PLEK2: variants seen among roughly 807,000 people sequenced by gnomAD.
PLEK2 encodes pleckstrin-2.
A neutral mutation model predicts 43.8 loss-of-function variants in PLEK2; 29 were observed. The observed-to-expected ratio is 0.66, with a 90% CI of 0.49 to 0.90. PLEK2 has a LOEUF of 0.90. PLEK2 is among the 40% of genes least tolerant of loss of function. The pLI is 0.00. For synonymous variants in PLEK2, 162 were observed against 173.2 expected (o/e 0.94, Z 0.51); for missense variants, 398 against 448.1 (o/e 0.89, Z 1.01).
chr14:67,411,368 C>T (rs750775310), intron 1 of PLEK2, among the ~76,000 whole-genome samples: 4 of 152,184 alleles, frequency 2.6e-5, no homozygotes, highest in Admixed American at 6.5e-5. Context: ...GGGCAAGCTA[C>T]TTCATCTTTC....
At chr14:67,411,518 C>G (rs565544335) in intron 1 of PLEK2, among the ~76,000 whole-genome samples, 3 of 152,228 alleles carry the variant, frequency 2.0e-5, no homozygotes, top group South Asian at 4.2e-4. Context: ...TTCACCGCCC[C>G]GAGCAAGTTC....
intron 1 of PLEK2, among the ~76,000 whole-genome samples, chr14:67,399,811 G>T (rs1326624149): frequency 6.6e-6 from 1 of 152,240 alleles, no homozygotes; most frequent in African/African-American, 2.4e-5. Context: ...ATAGTCAGGT[G>T]AACATGGAGA....
intron 1 of PLEK2, among the ~76,000 whole-genome samples, chr14:67,409,803 T>C (rs1176230842): frequency 1.3e-5 from 2 of 152,314 alleles, no homozygotes; most frequent in South Asian, 2.1e-4. Context: ...CCTAAGACTA[T>C]GGAATCCCCC....
chr14:67,387,089 G>A lies in PLEK2; in HGVS notation c.*240C>T, dbSNP rs1405068685. On this transcript the variant is annotated 3_prime_UTR_variant, in exon 9 of 9. Coordinates refer to ENST00000216446, the MANE Select transcript of PLEK2 (RefSeq NM_016445.3). ...AGGAAATGGCTGTTTGTGATGCTGG[G>A]GAAAAGTCAAGATGCTGACGCCTAA... The A allele has an allele frequency of 8.8e-6, 3 of 339,756 alleles. No homozygotes were observed. Among genetic ancestry groups the A allele is most frequent in the African/African-American group, 2.2e-5 (1 of 45,760 alleles). The allele number at this position is 339,756 out of a possible 1,614,324, so 21.0% of individuals were successfully genotyped here.
At chr14:67,390,562 G>A in intron 7 of PLEK2, 101 bp downstream of exon 7, 2 of 826,666 alleles carry the variant, frequency 2.4e-6, no homozygotes, top group Non-Finnish European at 4.2e-6. Flanking sequence ...GCGGGTGCCA[G>A]GGGAAGGCAG....
chr14:67,409,966 G>T (rs1170563007), intron 1 of PLEK2, among the ~76,000 whole-genome samples: 1 of 152,126 alleles, frequency 6.6e-6, no homozygotes, highest in East Asian at 1.9e-4. Context: ...GCAGGGAGGG[G>T]TGTGACTTCT....
chr14:67,398,110 C>A (rs1025126030), intron 1 of PLEK2: 1 of 294,472 alleles, frequency 3.4e-6, no homozygotes, highest in Non-Finnish European at 6.2e-6. Flanking sequence ...TGCTAGGAGA[C>A]AGCCATTGCT....
At position 67,388,416 on chromosome 14, in the gene PLEK2, A is replaced by T. The variant is rs961471010; in HGVS notation, c.856-114T>A. 2.5e-5 allele frequency: 18 copies of T among 715,028 alleles called. No homozygotes were observed. In the African/African-American group the frequency reaches 3.1e-4, roughly 12 times the overall value. 44.3% of individuals were successfully genotyped at this position (715,028 alleles called of 1,614,324 possible). A position where few individuals can be genotyped will look rare whatever the true frequency, so the allele number is the denominator to read the frequency against. On this transcript the variant is annotated intron_variant, in intron 7 of 8. Coordinates refer to ENST00000216446, the MANE Select transcript of PLEK2 (RefSeq NM_016445.3). The stretch of plus-strand genomic sequence containing the variant: ...AGTGAGTGCAAATCATTTGTAATAG[A>T]AGATGAAGCTGAACTTGGACATCAC...
intron 7 of PLEK2, 36 bp downstream of exon 7, chr14:67,390,627 A>G: frequency 6.9e-7 from 1 of 1,445,198 alleles, no homozygotes. Flanking sequence ...GGGCATCACA[A>G]CATGGGACCA....
rs750863245 is a variant in PLEK2 at position 67,398,136 on chromosome 14, C to T, written c.43-310G>A. On this transcript the variant is annotated intron_variant, in intron 1 of 8. Transcript: ENST00000216446. ...AGCCATTGCTAACATATTGTATTTC[C>T]TTCCGGTCTTTTTTCCTTTTAGTTT... 79 of 239,318 alleles carry T rather than the reference C, an allele frequency of 3.3e-4. No individual in the cohort carries two copies. The Middle Eastern group carries it at 5.2e-3, about 16-fold the overall frequency. 14.8% of individuals were successfully genotyped at this position (239,318 alleles called of 1,614,324 possible). A position where few individuals can be genotyped will look rare whatever the true frequency, so the allele number is the denominator to read the frequency against.
In PLEK2 at chr14:67,387,475, GA is replaced by G. The variant is rs753838580; in HGVS notation, c.935-20del. 2.2e-4 allele frequency: 347 copies of G among 1,591,592 alleles called. No homozygotes were observed. Among genetic ancestry groups the G allele is most frequent in the African/African-American group, 3.3e-4 (24 of 73,498 alleles). Reference sequence around the variant, plus strand: ...TTAACCCCTAGGCAGAAAAAAGGGGGAAAAAAATCAGTGATTGAATAGCCAT... The same window carrying G: ...TTAACCCCTAGGCAGAAAAAAGGGGGAAAAAATCAGTGATTGAATAGCCAT... On this transcript the variant is annotated intron_variant, in intron 8 of 8. Transcript: ENST00000216446.
chr14:67,388,785 T>G (rs1168819118), intron 7 of PLEK2, among the ~76,000 whole-genome samples: 1 of 152,116 alleles, frequency 6.6e-6, no homozygotes, highest in African/African-American at 2.4e-5. Flanking sequence ...GTTCAAGCGA[T>G]TCTCCTGCCT....
chr14:67,405,396 T>C (rs2086072217), intron 1 of PLEK2, among the ~76,000 whole-genome samples: 1 of 152,152 alleles, frequency 6.6e-6, no homozygotes, highest in Non-Finnish European at 1.5e-5. Context: ...ATTCATTCAT[T>C]CATTTAATAA....
At chr14:67,391,285 G>A (rs1413916511) in intron 6 of PLEK2, among the ~76,000 whole-genome samples, 1 of 151,116 alleles carries the variant, frequency 6.6e-6, no homozygotes, top group Non-Finnish European at 1.5e-5. Flanking sequence ...GTGTGTGTGT[G>A]TGTGTGTGTG....
chr14:67,392,281 G>T, intron 6 of PLEK2, 45 bp downstream of exon 6: 1 of 1,270,786 alleles, frequency 7.9e-7, no homozygotes, highest in Non-Finnish European at 1.2e-6. Context: ...CCTCCCCTAA[G>T]CTTGAGAACT....
chr14:67,394,139 ATTTCT>A (rs766512877), intron 3 of PLEK2, among the ~76,000 whole-genome samples: 23 of 152,146 alleles, frequency 1.5e-4, no homozygotes, highest in Non-Finnish European at 2.8e-4. Flanking sequence ...ATTTTCAGAC[ATTTCT>A]TTTCTTCTCC....
intron 7 of PLEK2, 107 bp from the exon 8 acceptor site, chr14:67,388,409 G>A: frequency 1.4e-6 from 1 of 730,678 alleles, no homozygotes; most frequent in South Asian, 1.5e-5. Context: ...CAAATCATTT[G>A]TAATAGAAGA....
intron 8 of PLEK2, 49 bp downstream of exon 8, chr14:67,388,175 G>T: frequency 8.3e-7 from 1 of 1,204,856 alleles, no homozygotes; most frequent in Admixed American, 1.7e-5. Flanking sequence ...CTGAGGTGCA[G>T]GAGGGAGGCC....
chr14:67,401,511 C>G (rs933642511), intron 1 of PLEK2, among the ~76,000 whole-genome samples: 1 of 151,848 alleles, frequency 6.6e-6, no homozygotes, highest in African/African-American at 2.4e-5. Context: ...GTCCCTGTCT[C>G]TAAAACAACA....
Sources: allele counts gnomAD v4.1 joint callset (sites outside exome capture counted in the v4.1 genomes callset), GRCh38; gene constraint gnomAD v4.1.1; transcripts MANE v1.5; gene names NCBI Gene and HGNC (gene_info 2026-07-23, HGNC 2026-07-21).